MAP3K13: variants seen among roughly 807,000 people sequenced by gnomAD.
MAP3K13 encodes mitogen-activated protein kinase kinase kinase 13.
Under a neutral mutation model 104.0 loss-of-function variants are expected in MAP3K13, and 52 were observed. The observed-to-expected ratio is 0.50, with a 90% CI of 0.40 to 0.63. The LOEUF (loss-of-function observed/expected upper bound fraction) is 0.63, where lower values mean the gene tolerates loss of function less well. MAP3K13 is among the 20% of genes least tolerant of loss of function. The pLI is 0.00. For synonymous variants in MAP3K13, 394 were observed against 442.2 expected, an observed-to-expected ratio of 0.89 and a Z score of 1.37; for missense variants, 914 against 1,218.5, an observed-to-expected ratio of 0.75 and a Z score of 3.72.
intron 1 of MAP3K13, among the ~76,000 whole-genome samples, chr3:185,410,794 G>A (rs1713394971): frequency 6.6e-6 from 1 of 152,046 alleles, no homozygotes; most frequent in African/African-American, 2.4e-5. Flanking sequence ...AATTAGCCAG[G>A]CATTGTGGCG....
chr3:185,323,714 A>G (rs1411951427), intron 2 of MAP3K13, among the ~76,000 whole-genome samples: 1 of 152,086 alleles, frequency 6.6e-6, no homozygotes, highest in Non-Finnish European at 1.5e-5. Context: ...CCTGATTTCC[A>G]TCTTTTTCTT....
Position 185,455,906 on chromosome 3 carries a change from A to ATG in MAP3K13, c.1278+4512_1278+4513insGT, listed in dbSNP as rs1268521020. ...ATATGATATAGATGAGATATATATG[A>ATG]TATAGATGAGATATATATGATGTAT... On this transcript the variant is annotated intron_variant, in intron 7 of 13. Transcript: ENST00000265026. Among the ~76,000 whole-genome samples, 118 of 137,614 alleles carry ATG rather than the reference A, an allele frequency of 8.6e-4. 1 individual carries two copies. Among genetic ancestry groups the ATG allele is most frequent in the Middle Eastern group, 3.8e-3 (1 of 266 alleles). The allele number at this position is 137,614 out of a possible 152,430, so 90.3% of individuals were successfully genotyped here. A position where few individuals can be genotyped will look rare whatever the true frequency, so the allele number is the denominator to read the frequency against.
chr3:185,452,729 T>C (rs1222380788), intron 7 of MAP3K13, among the ~76,000 whole-genome samples: 2 of 152,202 alleles, frequency 1.3e-5, no homozygotes, highest in Non-Finnish European at 2.9e-5. Flanking sequence ...GACCACTGGC[T>C]GGCTATTAGC....
At chr3:185,284,024 G>A (rs1198292090) in intron 1 of MAP3K13, among the ~76,000 whole-genome samples, 2 of 150,256 alleles carry the variant, frequency 1.3e-5, no homozygotes, top group African/African-American at 2.5e-5. Context: ...TCAGCCTCCC[G>A]AGTAGCTGGG....
At chr3:185,399,530 C>G (rs1279287922) in intron 1 of MAP3K13, among the ~76,000 whole-genome samples, 1 of 150,282 alleles carries the variant, frequency 6.7e-6, no homozygotes, top group East Asian at 2.0e-4. Flanking sequence ...ATCTCTTGAA[C>G]CCAGGAGGCA....
At chr3:185,461,449 C>G (rs1717092236) in intron 7 of MAP3K13, among the ~76,000 whole-genome samples, 1 of 152,114 alleles carries the variant, frequency 6.6e-6, no homozygotes, top group Admixed American at 6.5e-5. Context: ...TTGGGGAAAA[C>G]CTTCTATAAA....
Position 185,428,511 on chromosome 3 carries a change from T to C in MAP3K13, c.-71T>C. 6.6e-7 allele frequency: 1 copy of C among 1,504,618 alleles called. No individual in the cohort carries two copies. Among genetic ancestry groups the C allele is most frequent in the South Asian group, 1.4e-5 (1 of 71,890 alleles). 93.2% of individuals were successfully genotyped at this position (1,504,618 alleles called of 1,614,324 possible). A position where few individuals can be genotyped will look rare whatever the true frequency, so the allele number is the denominator to read the frequency against. On this transcript the variant is annotated 5_prime_UTR_variant, in exon 2 of 14. Coordinates refer to ENST00000265026, the MANE Select transcript of MAP3K13 (RefSeq NM_004721.5). ...GTTTTTCTCAGGTTTTGGAGCCCTC[T>C]CTTAAGTCAGAACTCTGTCCCAAAA...
intron 2 of MAP3K13, among the ~76,000 whole-genome samples, chr3:185,432,430 A>G (rs1430108307): frequency 6.6e-6 from 1 of 151,940 alleles, no homozygotes; most frequent in African/African-American, 2.4e-5. Context: ...ACCTCAGGTG[A>G]TCTACCTGCC....
chr3:185,379,888 A>C (rs914552817), intron 1 of MAP3K13, among the ~76,000 whole-genome samples: 5 of 152,184 alleles, frequency 3.3e-5, no homozygotes, highest in Non-Finnish European at 7.4e-5. Flanking sequence ...GGAACTTGTT[A>C]GAAGTGCTCA....
chr3:185,394,368 G>T (rs1203830878), intron 1 of MAP3K13, among the ~76,000 whole-genome samples: 7 of 152,168 alleles, frequency 4.6e-5, no homozygotes, highest in Non-Finnish European at 1.0e-4. Context: ...TGTTGATTAA[G>T]AAGGTAATTT....
chr3:185,392,090 C>G (rs1712090242), intron 1 of MAP3K13, among the ~76,000 whole-genome samples: 1 of 152,096 alleles, frequency 6.6e-6, no homozygotes, highest in Admixed American at 6.6e-5. Context: ...TAGTGGTAAA[C>G]AATAGCAGGT....
At chr3:185,465,721 G>C (rs1367501796) in intron 8 of MAP3K13, 26 bp from the exon 9 acceptor site, 1 of 1,558,540 alleles carries the variant, frequency 6.4e-7, no homozygotes. Context: ...TGGTTGGCTG[G>C]GCTGACCCTG....
At chr3:185,285,700 C>A in intron 2 of MAP3K13, 1 of 1,401,912 alleles carries the variant, frequency 7.1e-7, no homozygotes, top group South Asian at 1.2e-5. Context: ...CTTAAATTTG[C>A]CTAGGAAATT....
chr3:185,472,491 A>G (rs1019007709), intron 10 of MAP3K13, among the ~76,000 whole-genome samples: 1 of 151,994 alleles, frequency 6.6e-6, no homozygotes, highest in Non-Finnish European at 1.5e-5. Context: ...GATTACAGGC[A>G]TTAGCCACCG....
chr3:185,323,414 G>T (rs961772754), intron 2 of MAP3K13, among the ~76,000 whole-genome samples: 1 of 142,876 alleles, frequency 7.0e-6, no homozygotes, highest in Non-Finnish European at 1.5e-5. Context: ...TTGGCTCACC[G>T]CAACCTCCAC....
intron 7 of MAP3K13, among the ~76,000 whole-genome samples, chr3:185,454,355 G>GAT (rs761477126): frequency 0.091 from 1,074 of 11,822 alleles, 426 homozygotes; most frequent in Middle Eastern, 0.2. Context: ...AGATATATGA[G>GAT]ATATATATGA....
intron 2 of MAP3K13, among the ~76,000 whole-genome samples, chr3:185,434,588 C>A (rs932988195): frequency 5.3e-5 from 8 of 152,066 alleles, no homozygotes; most frequent in Non-Finnish European, 1.2e-4. Flanking sequence ...AAAATAGGAA[C>A]TACATGAAGG....
intron 2 of MAP3K13, among the ~76,000 whole-genome samples, chr3:185,338,962 A>G (rs1722617470): frequency 6.6e-6 from 1 of 152,222 alleles, no homozygotes; most frequent in African/African-American, 2.4e-5. Flanking sequence ...CAAGAGCACA[A>G]AAGGTGGAAA....
chr3:185,420,254 G>A (rs1230037461), intron 1 of MAP3K13, among the ~76,000 whole-genome samples: 1 of 152,130 alleles, frequency 6.6e-6, no homozygotes, highest in East Asian at 1.9e-4. Flanking sequence ...ACAGTTAAGA[G>A]AGTAAGTAGG....
Sources: gnomAD v4.1 joint callset for allele counts (sites outside exome capture counted in the v4.1 genomes callset) on GRCh38, gnomAD v4.1.1 for gene constraint, MANE v1.5 for transcripts, NCBI Gene and HGNC (gene_info 2026-07-23, HGNC 2026-07-21) for gene names.